ROR1: variants seen among roughly 807,000 people sequenced by gnomAD.
The protein encoded by ROR1 is inactive tyrosine-protein kinase transmembrane receptor ROR1.
In ROR1, 19 loss-of-function variants were observed where a neutral mutation model predicts 78.8. The ratio of observed to expected loss-of-function variants is 0.24; its 90% confidence interval spans 0.17 to 0.35. The LOEUF (loss-of-function observed/expected upper bound fraction) is 0.35. Among genes scored for constraint, ROR1 ranks in the 10% least tolerant of loss-of-function variants. ROR1 has a pLI of 1.00. For missense variants in ROR1, 917 were observed against 1,177.8 expected (o/e 0.78, Z 3.24); for synonymous variants, 386 against 433.6 (o/e 0.89, Z 1.36).
chr1:63,983,479 T>C (rs1646227343), intron 1 of ROR1, among the ~76,000 whole-genome samples: 1 of 152,130 alleles, frequency 6.6e-6, no homozygotes, highest in African/African-American at 2.4e-5. Context: ...GGCTGGACTT[T>C]CCACACCTTT....
intron 1 of ROR1, among the ~76,000 whole-genome samples, chr1:63,901,639 C>G (rs1645485959): frequency 6.6e-6 from 1 of 150,732 alleles, no homozygotes. Context: ...ACATACTTTC[C>G]TCCTTGTAGA....
intron 1 of ROR1, among the ~76,000 whole-genome samples, chr1:63,909,159 C>A (rs778356305): frequency 6.6e-6 from 1 of 151,996 alleles, no homozygotes. Context: ...CTGCCCCCTG[C>A]GCACCTGCTT....
chr1:63,974,745 C>T (rs1176406234), intron 1 of ROR1, among the ~76,000 whole-genome samples: 1 of 152,168 alleles, frequency 6.6e-6, no homozygotes, highest in East Asian at 1.9e-4. Flanking sequence ...TCAAGCAATC[C>T]TCCTGCCTCA....
Position 64,179,139 on chromosome 1 carries a change from G to A in ROR1, c.*284G>A. 3.3e-6 allele frequency: 1 copy of A among 301,620 alleles called. No homozygotes were observed. The highest frequency in any genetic ancestry group is 6.8e-5 in the South Asian group (1 of 14,716). The allele number at this position is 301,620 out of a possible 1,614,324, so 18.7% of individuals were successfully genotyped here. A position where few individuals can be genotyped will look rare whatever the true frequency, so the allele number is the denominator to read the frequency against. On this transcript the variant is annotated 3_prime_UTR_variant, in exon 9 of 9. Transcript: ENST00000371079. ...CATGTGGTTTCGAGCACTGAAAGCTGCAAACCAGTGAAGAGGAAAAGAACC... is the reference window on the plus strand; with the variant it reads ...CATGTGGTTTCGAGCACTGAAAGCTACAAACCAGTGAAGAGGAAAAGAACC...
intron 4 of ROR1, among the ~76,000 whole-genome samples, chr1:64,102,682 A>G (rs1164624112): frequency 6.6e-6 from 1 of 152,216 alleles, no homozygotes; most frequent in African/African-American, 2.4e-5. Flanking sequence ...AAGCCAGACA[A>G]GTAGGGTTTG....
chr1:63,963,603 CAAAA>C (rs1646050639), intron 1 of ROR1, among the ~76,000 whole-genome samples: 1 of 150,044 alleles, frequency 6.7e-6, no homozygotes, highest in African/African-American at 2.5e-5. Context: ...AAAAACAAAA[CAAAA>C]AGAAAGGAAG....
At chr1:64,051,399 C>G (rs1646827459) in intron 4 of ROR1, among the ~76,000 whole-genome samples, 1 of 150,474 alleles carries the variant, frequency 6.6e-6, no homozygotes, top group African/African-American at 2.4e-5. Context: ...GCAGTGAGCC[C>G]AGATGGCGCC....
chr1:63,863,754 TTG>T (rs1645196996), intron 1 of ROR1, among the ~76,000 whole-genome samples: 1 of 148,314 alleles, frequency 6.7e-6, no homozygotes, highest in African/African-American at 2.5e-5. Flanking sequence ...TTGTATTGTA[TTG>T]TATTGTATTG....
intron 1 of ROR1, among the ~76,000 whole-genome samples, chr1:63,837,945 T>C (rs1557520394): frequency 6.6e-6 from 1 of 152,176 alleles, no homozygotes; most frequent in Non-Finnish European, 1.5e-5. Flanking sequence ...TGCATATAAA[T>C]GGTGGTCCAA....
chr1:63,996,361 G>T (rs2100527513), intron 1 of ROR1, among the ~76,000 whole-genome samples: 1 of 152,210 alleles, frequency 6.6e-6, no homozygotes, highest in South Asian at 2.1e-4. Context: ...ATTTAACTTT[G>T]ATTATTGATC....
intron 1 of ROR1, among the ~76,000 whole-genome samples, chr1:63,783,519 C>T (rs975576594): frequency 6.6e-6 from 1 of 152,078 alleles, no homozygotes; most frequent in Admixed American, 6.6e-5. Context: ...CAGGACGACC[C>T]TATGAGGTAA....
intron 1 of ROR1, among the ~76,000 whole-genome samples, chr1:63,928,866 G>T (rs1645729262): frequency 6.6e-6 from 1 of 152,172 alleles, no homozygotes; most frequent in Non-Finnish European, 1.5e-5. Context: ...CAAGATCTGG[G>T]CTGTGCTGCG....
At chr1:63,964,384 T>G (rs1156992225) in intron 1 of ROR1, among the ~76,000 whole-genome samples, 1 of 152,214 alleles carries the variant, frequency 6.6e-6, no homozygotes, top group Admixed American at 6.5e-5. Flanking sequence ...ATCCTCTTTC[T>G]TCATACATAT....
intron 1 of ROR1, among the ~76,000 whole-genome samples, chr1:63,858,842 G>A (rs1444433614): frequency 1.3e-5 from 2 of 152,104 alleles, no homozygotes; most frequent in Non-Finnish European, 2.9e-5. Flanking sequence ...TATACTAAGT[G>A]TACTACTCGG....
chr1:63,901,166 T>TA (rs1308604135), intron 1 of ROR1, among the ~76,000 whole-genome samples: 5 of 152,184 alleles, frequency 3.3e-5, no homozygotes, highest in Admixed American at 6.5e-5. Context: ...TACTGGTGTT[T>TA]AAAAGACTGA....
At chr1:63,845,908 T>C (rs559512482) in intron 1 of ROR1, among the ~76,000 whole-genome samples, 6 of 152,308 alleles carry the variant, frequency 3.9e-5, no homozygotes, top group African/African-American at 1.4e-4. Flanking sequence ...GAAGCTTAGA[T>C]GGAGCCTGAA....
At chr1:63,900,813 A>T (rs897621031) in intron 1 of ROR1, among the ~76,000 whole-genome samples, 1 of 152,196 alleles carries the variant, frequency 6.6e-6, no homozygotes, top group Non-Finnish European at 1.5e-5. Flanking sequence ...ATTTAAAAAA[A>T]ATCTAAATAT....
At chr1:63,795,521 C>T (rs890090962) in intron 1 of ROR1, among the ~76,000 whole-genome samples, 3 of 152,104 alleles carry the variant, frequency 2.0e-5, no homozygotes, top group Non-Finnish European at 4.4e-5. Flanking sequence ...GTGGACCTGC[C>T]GTGTGCTTGG....
At chr1:63,942,510 G>A (rs1645849191) in intron 1 of ROR1, among the ~76,000 whole-genome samples, 1 of 151,874 alleles carries the variant, frequency 6.6e-6, no homozygotes. Flanking sequence ...CAAGAGCCAC[G>A]CCATTTTCAT....
Sources: gnomAD v4.1 joint callset for allele counts (sites outside exome capture counted in the v4.1 genomes callset) on GRCh38, gnomAD v4.1.1 for gene constraint, MANE v1.5 for transcripts, NCBI Gene and HGNC (gene_info 2026-07-23, HGNC 2026-07-21) for gene names.